Variants in ERBB4 observed in about 807,000 individuals in gnomAD.
ERBB4 encodes receptor tyrosine-protein kinase erbB-4.
A neutral mutation model predicts 158.0 loss-of-function variants in ERBB4; 42 were observed. The observed-to-expected ratio is 0.27, with a 90% CI of 0.21 to 0.34. The LOEUF is 0.34. ERBB4 is among the 10% of genes least tolerant of loss of function. ERBB4 has a pLI of 1.00. For synonymous variants in ERBB4, 583 were observed against 558.7 expected, an observed-to-expected ratio of 1.04 and a Z score of -0.61; for missense variants, 1,333 against 1,624.1, an observed-to-expected ratio of 0.82 and a Z score of 3.08.
At chr2:212,083,365 G>A (rs1240460133) in intron 2 of ERBB4, among the ~76,000 whole-genome samples, 2 of 151,902 alleles carry the variant, frequency 1.3e-5, no homozygotes, top group Non-Finnish European at 2.9e-5. Context: ...AATGATAAAT[G>A]GCAACAGATA....
At chr2:212,314,065 A>T (rs2087163418) in intron 1 of ERBB4, among the ~76,000 whole-genome samples, 1 of 151,072 alleles carries the variant, frequency 6.6e-6, no homozygotes, top group Admixed American at 6.6e-5. Context: ...CGCTAAAATA[A>T]AGTAAGATCC....
chr2:211,671,078 G>A (rs1438499895), intron 14 of ERBB4, among the ~76,000 whole-genome samples: 1 of 152,048 alleles, frequency 6.6e-6, no homozygotes, highest in Admixed American at 6.6e-5. Flanking sequence ...ATAGGATTAG[G>A]TGAACTAAAA....
chr2:211,635,290 G>A (rs924204091), intron 16 of ERBB4, among the ~76,000 whole-genome samples: 1 of 152,128 alleles, frequency 6.6e-6, no homozygotes, highest in Non-Finnish European at 1.5e-5. Context: ...ATCTCACAGG[G>A]ATTCTGAATC....
At position 212,043,937 on chromosome 2, in the gene ERBB4, T is replaced by C. The variant is rs1019657965; in HGVS notation, c.234+80815A>G. On this transcript the variant is annotated intron_variant, in intron 2 of 27. Transcript: ENST00000342788. ...CAATAAATATTACATATTATCATTA[T>C]TCCCTATTATTAGCTTAAAGGTTAT... is the stretch of plus-strand genomic sequence containing the variant. Among the ~76,000 whole-genome samples, 7 of 152,288 alleles carry C rather than the reference T, an allele frequency of 4.6e-5. No individual in the cohort carries two copies. In the East Asian group the frequency reaches 1.3e-3, roughly 29 times the overall value.
intron 2 of ERBB4, among the ~76,000 whole-genome samples, chr2:212,012,440 G>C (rs745367000): frequency 1.4e-5 from 2 of 138,104 alleles, no homozygotes; most frequent in African/African-American, 5.5e-5. Flanking sequence ...TTTTTTTGAC[G>C]GAGTCTCATT....
At chr2:211,692,693 A>G (rs1248740167) in intron 12 of ERBB4, among the ~76,000 whole-genome samples, 1 of 152,070 alleles carries the variant, frequency 6.6e-6, no homozygotes, top group Non-Finnish European at 1.5e-5. Flanking sequence ...CCTTCCTCTT[A>G]TAAAGACACG....
chr2:211,623,865 A>G, intron 18 of ERBB4, 57 bp downstream of exon 18: 1 of 1,572,798 alleles, frequency 6.4e-7, no homozygotes, highest in Non-Finnish European at 8.7e-7. Flanking sequence ...ATTGGCTATT[A>G]TTTTCTAAAC....
chr2:212,408,655 T>C (rs1319547455), intron 1 of ERBB4, among the ~76,000 whole-genome samples: 1 of 152,042 alleles, frequency 6.6e-6, no homozygotes, highest in Non-Finnish European at 1.5e-5. Flanking sequence ...CTTCATCTCT[T>C]ACAAAAAAGA....
chr2:211,548,482 C>T (rs2066999477), intron 20 of ERBB4, among the ~76,000 whole-genome samples: 1 of 152,000 alleles, frequency 6.6e-6, no homozygotes, highest in Non-Finnish European at 1.5e-5. Flanking sequence ...GGTATACGAC[C>T]TCATATTTTA....
intron 16 of ERBB4, among the ~76,000 whole-genome samples, chr2:211,643,363 G>T (rs1459060936): frequency 6.6e-6 from 1 of 151,946 alleles, no homozygotes; most frequent in African/African-American, 2.4e-5. Context: ...TATACGTTCT[G>T]GTCCTGTTGT....
chr2:212,094,566 T>C (rs1009825166), intron 2 of ERBB4, among the ~76,000 whole-genome samples: 1 of 149,710 alleles, frequency 6.7e-6, no homozygotes, highest in Non-Finnish European at 1.5e-5. Context: ...AATATGAAAA[T>C]AAAAAAATAA....
chr2:211,884,520 ACT>A (rs2078744549), intron 3 of ERBB4, among the ~76,000 whole-genome samples: 1 of 152,152 alleles, frequency 6.6e-6, no homozygotes, highest in African/African-American at 2.4e-5. Context: ...CTAAATCCAC[ACT>A]GTCAACACAG....
intron 5 of ERBB4, among the ~76,000 whole-genome samples, chr2:211,732,781 C>T (rs1348017781): frequency 1.3e-5 from 2 of 151,986 alleles, no homozygotes; most frequent in Non-Finnish European, 2.9e-5. Flanking sequence ...GCTGAAACCC[C>T]ATCTCTACTA....
chr2:212,047,342 G>A (rs2077283672), intron 2 of ERBB4, among the ~76,000 whole-genome samples: 1 of 152,024 alleles, frequency 6.6e-6, no homozygotes, highest in African/African-American at 2.4e-5. Flanking sequence ...AAATGGATGT[G>A]GACAGGATGA....
chr2:211,574,153 T>C (rs532076298), intron 19 of ERBB4, among the ~76,000 whole-genome samples: 2 of 152,286 alleles, frequency 1.3e-5, no homozygotes, highest in Admixed American at 1.3e-4. Flanking sequence ...AAGCTGCAGC[T>C]GCAGGGTGAG....
intron 19 of ERBB4, among the ~76,000 whole-genome samples, chr2:211,616,350 C>T (rs902854577): frequency 6.6e-6 from 1 of 152,060 alleles, no homozygotes; most frequent in African/African-American, 2.4e-5. Context: ...TTGATGAGTC[C>T]TTCACCTCCA....
intron 21 of ERBB4, among the ~76,000 whole-genome samples, chr2:211,429,019 T>A (rs1405909088): frequency 1.5e-5 from 2 of 136,154 alleles, no homozygotes; most frequent in African/African-American, 7.5e-5. Flanking sequence ...GTCATACTTA[T>A]TTTTTTAAAA....
intron 19 of ERBB4, among the ~76,000 whole-genome samples, chr2:211,574,331 T>A (rs1879531): frequency 0.7 from 106,544 of 152,004 alleles, 39,431 homozygotes; most frequent in East Asian, 0.88. Flanking sequence ...CCATGAAGAG[T>A]TAAAAGATGG....
At chr2:212,000,893 A>G (rs898288981) in intron 2 of ERBB4, among the ~76,000 whole-genome samples, 1 of 151,946 alleles carries the variant, frequency 6.6e-6, no homozygotes, top group Non-Finnish European at 1.5e-5. Flanking sequence ...CTATGTGTAA[A>G]GAAAAAAAAT....
Sources: gnomAD v4.1 joint callset for allele counts (sites outside exome capture counted in the v4.1 genomes callset) on GRCh38, gnomAD v4.1.1 for gene constraint, MANE v1.5 for transcripts, NCBI Gene and HGNC (gene_info 2026-07-23, HGNC 2026-07-21) for gene names.